GALNT13: variants seen among roughly 807,000 people sequenced by gnomAD.
GALNT13 encodes the protein polypeptide N-acetylgalactosaminyltransferase 13, also known as UDP-GalNAc:polypeptide N-acetylgalactosaminyltransferase 13.
Under a neutral mutation model 64.2 loss-of-function variants are expected in GALNT13, and 28 were observed. That is an observed-to-expected ratio of 0.44 (90% CI 0.32 to 0.60). The LOEUF is 0.60. Ranked by LOEUF, GALNT13 falls within the 20% of genes least tolerant of loss-of-function variation. The pLI, the probability that GALNT13 is intolerant of heterozygous loss-of-function variation, is 0.05. For missense variants in GALNT13, 577 were observed against 669.8 expected (o/e 0.86, Z 1.53); for synonymous variants, 214 against 224.6 (o/e 0.95, Z 0.42).
chr2:153,237,672 TAATGGCTA>T, the GALNT13 span, among the ~76,000 whole-genome samples: 1 of 152,088 alleles, frequency 6.6e-6, no homozygotes. Flanking sequence ...CTCATTTTTT[TAATGGCTA>T]AATGGGACTC....
intron 4 of GALNT13, among the ~76,000 whole-genome samples, chr2:154,175,022 T>C (rs1685571766): frequency 6.6e-6 from 1 of 152,172 alleles, no homozygotes; most frequent in African/African-American, 2.4e-5. Context: ...AATGTGGTTA[T>C]AATAACTAGT....
At chr2:153,257,114 C>G in the GALNT13 span, among the ~76,000 whole-genome samples, 2 of 152,198 alleles carry the variant, frequency 1.3e-5, no homozygotes, top group Admixed American at 1.3e-4. Context: ...ACTCCCTGGG[C>G]GTAGGACCCT....
At chr2:153,206,184 G>T in the GALNT13 span, among the ~76,000 whole-genome samples, 6 of 152,040 alleles carry the variant, frequency 3.9e-5, no homozygotes, top group African/African-American at 1.4e-4. Context: ...ATTTACAACA[G>T]AATTTGAGGG....
intron 8 of GALNT13, among the ~76,000 whole-genome samples, chr2:154,281,391 T>A (rs1178300447): frequency 6.6e-6 from 1 of 152,152 alleles, no homozygotes; most frequent in African/African-American, 2.4e-5. Flanking sequence ...CAATTGGGAT[T>A]TTCTGAAATA....
At chr2:154,062,211 A>C (rs1427429574) in intron 3 of GALNT13, among the ~76,000 whole-genome samples, 1 of 152,118 alleles carries the variant, frequency 6.6e-6, no homozygotes, top group East Asian at 1.9e-4. Context: ...AATAGAAATG[A>C]TGTGTCATTC....
At chr2:153,919,926 T>C (rs950353043) in intron 2 of GALNT13, among the ~76,000 whole-genome samples, 2 of 149,690 alleles carry the variant, frequency 1.3e-5, no homozygotes, top group African/African-American at 4.9e-5. Context: ...ACTGAATGTG[T>C]ATAGGGGTTG....
chr2:154,374,060 T>C (rs977935011), intron 9 of GALNT13, among the ~76,000 whole-genome samples: 1 of 152,190 alleles, frequency 6.6e-6, no homozygotes, highest in African/African-American at 2.4e-5. Flanking sequence ...AAGTACTGTC[T>C]TTACTCCCAG....
chr2:154,408,740 T>C (rs1699662105), intron 10 of GALNT13, among the ~76,000 whole-genome samples: 1 of 152,048 alleles, frequency 6.6e-6, no homozygotes, highest in Admixed American at 6.6e-5. Context: ...ACAGGGAATG[T>C]TTCTTGATTA....
chr2:153,650,608 G>T, the GALNT13 span, among the ~76,000 whole-genome samples: 6 of 152,136 alleles, frequency 3.9e-5, no homozygotes, highest in African/African-American at 7.2e-5. Context: ...GGTACAGGTT[G>T]TTCCTTTCCA....
chr2:153,463,502 A>G, the GALNT13 span, among the ~76,000 whole-genome samples: 3 of 152,198 alleles, frequency 2.0e-5, no homozygotes, highest in South Asian at 6.2e-4. Flanking sequence ...AGCCAAACAA[A>G]GTCACTAAGT....
intron 3 of GALNT13, among the ~76,000 whole-genome samples, chr2:154,047,966 TAA>T (rs1699371441): frequency 6.6e-6 from 1 of 152,152 alleles, no homozygotes; most frequent in Admixed American, 6.5e-5. Context: ...CACATTGCTA[TAA>T]AGAAATGCTA....
At chr2:153,478,460 C>T in the GALNT13 span, 8 of 1,613,614 alleles carry the variant, frequency 5.0e-6, no homozygotes, top group Non-Finnish European at 6.8e-6. Context: ...TCGTCGGTCA[C>T]CACGGACGCC....
At chr2:154,167,742 A>G (rs1194173773) in intron 4 of GALNT13, among the ~76,000 whole-genome samples, 3 of 152,154 alleles carry the variant, frequency 2.0e-5, no homozygotes, top group Admixed American at 6.5e-5. Flanking sequence ...ACCACATGGC[A>G]TCAGAGCCCA....
chr2:153,798,433 T>A, the GALNT13 span, among the ~76,000 whole-genome samples: 1 of 152,192 alleles, frequency 6.6e-6, no homozygotes, highest in Non-Finnish European at 1.5e-5. Context: ...TGTTCATGTT[T>A]GCATCACTGT....
intron 3 of GALNT13, among the ~76,000 whole-genome samples, chr2:154,052,330 A>G (rs1293912646): frequency 6.6e-6 from 1 of 152,140 alleles, no homozygotes; most frequent in African/African-American, 2.4e-5. Flanking sequence ...ATCTCCATAC[A>G]TTCTATGTTT....
the GALNT13 span, among the ~76,000 whole-genome samples, chr2:153,705,094 T>C: frequency 1.1e-4 from 17 of 152,314 alleles, no homozygotes; most frequent in South Asian, 3.5e-3. Context: ...TTGTTGTGTG[T>C]ATAGATTTAA....
At chr2:154,261,045 A>G (rs1182345220) in intron 8 of GALNT13, among the ~76,000 whole-genome samples, 1 of 152,166 alleles carries the variant, frequency 6.6e-6, no homozygotes, top group Non-Finnish European at 1.5e-5. Context: ...GGTTGAAAGT[A>G]GAATTCAGAA....
At chr2:153,237,919 A>G in the GALNT13 span, among the ~76,000 whole-genome samples, 1 of 152,104 alleles carries the variant, frequency 6.6e-6, no homozygotes, top group Non-Finnish European at 1.5e-5. Context: ...ACTGTTCTCC[A>G]TAGTGATTGT....
At chr2:153,104,107 T>G in the GALNT13 span, among the ~76,000 whole-genome samples, 1 of 152,202 alleles carries the variant, frequency 6.6e-6, no homozygotes, top group South Asian at 2.1e-4. Context: ...TTTACTGAAT[T>G]AAAGCACTAT....
Sources: gnomAD v4.1 joint callset for allele counts (sites outside exome capture counted in the v4.1 genomes callset) on GRCh38, gnomAD v4.1.1 for gene constraint, MANE v1.5 for transcripts, NCBI Gene and HGNC (gene_info 2026-07-23, HGNC 2026-07-21) for gene names.